Variants in TDRD5 observed in about 807,000 individuals in gnomAD.
The protein encoded by TDRD5 is tudor domain containing 5.
In TDRD5, 41 loss-of-function variants were observed where a neutral mutation model predicts 120.6. The observed-to-expected ratio is 0.34, with a 90% CI of 0.26 to 0.44. The LOEUF is 0.44. Ranked by LOEUF, TDRD5 falls within the 20% of genes least tolerant of loss-of-function variation. The probability of loss-of-function intolerance (pLI) is 1.00; values close to 1 mark genes in which losing one functional copy is unlikely to be tolerated. For synonymous variants in TDRD5, 430 were observed against 433.7 expected, an observed-to-expected ratio of 0.99 and a Z score of 0.11; for missense variants, 1,006 against 1,221.2, an observed-to-expected ratio of 0.82 and a Z score of 2.63.
intron 5 of TDRD5, among the ~76,000 whole-genome samples, chr1:179,619,967 A>T (rs1205711194): frequency 6.6e-6 from 1 of 152,226 alleles, no homozygotes; most frequent in African/African-American, 2.4e-5. Flanking sequence ...AGGATTGGTT[A>T]TGTATCAATA....
chr1:179,599,174 A>G (rs1675561539), intron 4 of TDRD5, among the ~76,000 whole-genome samples: 1 of 152,056 alleles, frequency 6.6e-6, no homozygotes, highest in Admixed American at 6.5e-5. Context: ...AGCCAACCTT[A>G]TATTTCTGGA....
At chr1:179,675,642 G>A (rs1680109624) in intron 17 of TDRD5, among the ~76,000 whole-genome samples, 1 of 152,226 alleles carries the variant, frequency 6.6e-6, no homozygotes, top group Admixed American at 6.5e-5. Flanking sequence ...TCAGGAGCAG[G>A]TTATTTAATT....
At chr1:179,654,776 A>T (rs1024320842) in intron 14 of TDRD5, among the ~76,000 whole-genome samples, 2 of 152,002 alleles carry the variant, frequency 1.3e-5, no homozygotes, top group Non-Finnish European at 2.9e-5. Context: ...TCAAAAAAAT[A>T]AAGTAAAATA....
At chr1:179,593,411 A>C (rs780868386) in intron 2 of TDRD5, 49 bp from the exon 3 acceptor site, 1 of 1,552,826 alleles carries the variant, frequency 6.4e-7, no homozygotes, top group Non-Finnish European at 8.8e-7. Flanking sequence ...AGGATAAAGA[A>C]GGGAGTAAGT....
chr1:179,644,742 A>G (rs1406980198), intron 11 of TDRD5, among the ~76,000 whole-genome samples: 1 of 152,106 alleles, frequency 6.6e-6, no homozygotes. Context: ...TTAAGGATCT[A>G]AAGAGACAGG....
In TDRD5 at chr1:179,660,531, T is replaced by G. The variant is rs1679257622; in HGVS notation, c.2323-1573T>G. ...TTTGTATAGTGTTTTTAGTGGTTGC[T>G]TTAGGAATTACACTTGTCATTCTTG... is the stretch of plus-strand genomic sequence containing the variant. On this transcript the variant is annotated intron_variant, in intron 14 of 17. Coordinates refer to ENST00000444136, the MANE Select transcript of TDRD5 (RefSeq NM_001199085.3). Among the ~76,000 whole-genome samples, 3 of 152,288 alleles carry G rather than the reference T, an allele frequency of 2.0e-5. No homozygotes were observed. The South Asian group carries it at 6.2e-4, about 32-fold the overall frequency.
At chr1:179,624,477 A>G (rs1188263230) in intron 6 of TDRD5, among the ~76,000 whole-genome samples, 1 of 152,186 alleles carries the variant, frequency 6.6e-6, no homozygotes, top group Non-Finnish European at 1.5e-5. Context: ...GAAAAAACGT[A>G]AAACTTTATT....
At chr1:179,652,368 C>G (rs762836720) in intron 13 of TDRD5, among the ~76,000 whole-genome samples, 171 bp downstream of exon 13, 1 of 152,032 alleles carries the variant, frequency 6.6e-6, no homozygotes, top group Admixed American at 6.6e-5. Flanking sequence ...TCAGTCATGC[C>G]TCTTCCTGAA....
At chr1:179,640,087 A>G in intron 10 of TDRD5, 36 bp downstream of exon 10, 1 of 1,605,100 alleles carries the variant, frequency 6.2e-7, no homozygotes, top group Non-Finnish European at 8.5e-7. Context: ...GGATGAATTA[A>G]ATTTTGAATC....
chr1:179,652,861 A>G (rs1572402313), intron 13 of TDRD5, among the ~76,000 whole-genome samples: 3 of 152,346 alleles, frequency 2.0e-5, no homozygotes, highest in African/African-American at 7.2e-5. Context: ...AATGCAGTCC[A>G]AACTTTGTTT....
intron 4 of TDRD5, among the ~76,000 whole-genome samples, chr1:179,601,835 T>G (rs1675729869): frequency 6.6e-6 from 1 of 152,248 alleles, no homozygotes. Flanking sequence ...AGATGGAGTC[T>G]TGCTCTGTCG....
rs774679489 is a variant in TDRD5 at position 179,595,723 on chromosome 1, A to G, written c.736A>G (p.Met246Val). The change falls in exon 4 of 18, where the codon ATG (methionine) becomes GTG (valine). Residue 246 changes from methionine (M) to valine (V), a missense_variant. By Grantham distance (21) the Met-to-Val change is conservative (BLOSUM62 1). Coordinates refer to ENST00000444136, the MANE Select transcript of TDRD5 (RefSeq NM_001199085.3). ...KPCFSQPTSNMEPPKQIMSME... is the reference protein window; with the variant it reads ...KPCFSQPTSNVEPPKQIMSME... ...ATGCTTTTCACAACCCACTTCAAAC[A>G]TGGAACCACCGAAGCAAATAATGAG... is the stretch of plus-strand genomic sequence containing the variant. The G allele has an allele frequency of 8.1e-6, 13 of 1,613,798 alleles. No individual in the cohort carries two copies. The highest frequency in any genetic ancestry group is 1.1e-5 in the Non-Finnish European group (13 of 1,179,862).
At chr1:179,657,934 A>G (rs1273459293) in intron 14 of TDRD5, among the ~76,000 whole-genome samples, 2 of 152,152 alleles carry the variant, frequency 1.3e-5, no homozygotes, top group Non-Finnish European at 1.5e-5. Context: ...ACCAAGATGT[A>G]TAGCAGATCT....
At chr1:179,603,411 A>G (rs1433387597) in intron 4 of TDRD5, among the ~76,000 whole-genome samples, 5 of 152,128 alleles carry the variant, frequency 3.3e-5, no homozygotes, top group African/African-American at 7.2e-5. Flanking sequence ...TTTCAGTACT[A>G]TGTTGAAGAG....
chr1:179,659,577 G>T (rs1319217549), intron 14 of TDRD5, among the ~76,000 whole-genome samples: 1 of 143,332 alleles, frequency 7.0e-6, no homozygotes, highest in Non-Finnish European at 1.5e-5. Context: ...GTGTGTGTGT[G>T]TGTGTGTGTG....
At position 179,691,120 on chromosome 1, in the gene TDRD5, T is replaced by A. The variant is rs1681131248; in HGVS notation, c.*177T>A. On this transcript the variant is annotated 3_prime_UTR_variant, in exon 18 of 18. Coordinates refer to ENST00000444136, the MANE Select transcript of TDRD5 (RefSeq NM_001199085.3). ...CAGTCTACTTTGATGTGTAAGTAAG[T>A]ATTGATATTTACTGTTAATCTTGAT... 2.8e-6 allele frequency: 2 copies of A among 726,840 alleles called. No homozygotes were observed. 45.0% of individuals were successfully genotyped at this position (726,840 alleles called of 1,614,324 possible). A position where few individuals can be genotyped will look rare whatever the true frequency, so the allele number is the denominator to read the frequency against.
At chr1:179,616,901 T>G (rs1676590766) in intron 4 of TDRD5, among the ~76,000 whole-genome samples, 2 of 152,150 alleles carry the variant, frequency 1.3e-5, no homozygotes, top group Admixed American at 1.3e-4. Flanking sequence ...AATCTTTTTT[T>G]GTCCCTGAAA....
intron 4 of TDRD5, among the ~76,000 whole-genome samples, chr1:179,614,235 T>C (rs1384428039): frequency 3.3e-5 from 5 of 152,160 alleles, no homozygotes; most frequent in Non-Finnish European, 4.4e-5. Context: ...GTGACCTGCT[T>C]TTTTTCCTCT....
rs745814872 is a variant in TDRD5, at chr1:179,635,792, C to G, written c.1425C>G (p.Val475=). The G allele has an allele frequency of 2.5e-6, 4 of 1,613,992 alleles. No individual in the cohort carries two copies. The highest frequency in any genetic ancestry group is 3.4e-6 in the Non-Finnish European group (4 of 1,180,000). ...TAGACACCAGTTCCCTCATAGGGGTCTTTGTGGAGTATATCATCTCTCCTA... is the reference window on the plus strand; with the variant it reads ...TAGACACCAGTTCCCTCATAGGGGTGTTTGTGGAGTATATCATCTCTCCTA... ...PPLDTSSLIG[V]FVEYIISPSQ... is the part of the protein sequence containing the mutation. The change falls in exon 9 of 18, where the codon GTC becomes GTG. Residue 475 remains valine, a synonymous_variant. Coordinates refer to ENST00000444136, the MANE Select transcript of TDRD5 (RefSeq NM_001199085.3).
Sources: gnomAD v4.1 joint callset for allele counts (sites outside exome capture counted in the v4.1 genomes callset) on GRCh38, gnomAD v4.1.1 for gene constraint, MANE v1.5 for transcripts, NCBI Gene and HGNC (gene_info 2026-07-23, HGNC 2026-07-21) for gene names.